The following DEFB134 variants were observed in gnomAD, a reference collection of about 807,000 sequenced individuals.
DEFB134 encodes beta-defensin 134.
A neutral mutation model predicts 7.4 loss-of-function variants in DEFB134; 7 were observed. That is an observed-to-expected ratio of 0.95 (90% CI 0.54 to 1.79). DEFB134 has a LOEUF of 1.79. Among genes scored for constraint, DEFB134 ranks in the 40% most tolerant of loss-of-function variants. DEFB134 has a pLI of 0.00. For synonymous variants in DEFB134, 33 were observed against 25.0 expected (o/e 1.32, Z -0.96); for missense variants, 105 against 74.8 (o/e 1.40, Z -1.49).
chr8:11,994,249 G>T, intron 1 of DEFB134, 127 bp from the exon 3 acceptor site: 1 of 1,189,942 alleles, frequency 8.4e-7, no homozygotes, highest in Non-Finnish European at 1.2e-6. Context: ...TCCTGTAACT[G>T]AAAAAATTAA....
upstream of DEFB134, among the ~76,000 whole-genome samples, chr8:11,999,800 G>A (rs1800224481): frequency 6.6e-6 from 1 of 152,220 alleles, no homozygotes; most frequent in Admixed American, 6.5e-5. Context: ...ATAAAGAGGG[G>A]AGATGTGCGC....
At chr8:11,994,261 T>A in intron 1 of DEFB134, 139 bp from the exon 3 acceptor site, 1 of 1,055,156 alleles carries the variant, frequency 9.5e-7, no homozygotes, top group Middle Eastern at 3.2e-4. Context: ...AAAAATTAAT[T>A]AGTGGTAGGG....
At chr8:11,999,365 C>A, upstream of DEFB134, 1 of 214,436 alleles carries the variant, frequency 4.7e-6, no homozygotes, top group Non-Finnish European at 1.0e-5. Flanking sequence ...CTGGCATTGC[C>A]CATGCAAAGA....
At chr8:11,998,776 A>C (rs1290754503), upstream of DEFB134, among the ~76,000 whole-genome samples, 1 of 152,164 alleles carries the variant, frequency 6.6e-6, no homozygotes, top group Non-Finnish European at 1.5e-5. Flanking sequence ...AGAATGAATA[A>C]GTCTGCTTAT....
intron 1 of DEFB134, among the ~76,000 whole-genome samples, chr8:11,994,360 T>G: frequency 6.6e-6 from 1 of 152,096 alleles, no homozygotes; most frequent in East Asian, 1.9e-4. Flanking sequence ...GGAAGTAATA[T>G]AAGTTAAATG....
upstream of DEFB134, among the ~76,000 whole-genome samples, chr8:11,999,885 C>G (rs1277119207): frequency 6.6e-6 from 1 of 152,194 alleles, no homozygotes; most frequent in Non-Finnish European, 1.5e-5. Flanking sequence ...CCTAAGGCCA[C>G]ATGGTGCTCT....
At chr8:11,999,846 C>T (rs987955521), upstream of DEFB134, among the ~76,000 whole-genome samples, 4 of 152,192 alleles carry the variant, frequency 2.6e-5, 1 homozygote, top group South Asian at 4.1e-4. Flanking sequence ...TACCAGCACA[C>T]CAGCTTTTTC....
chr8:11,998,167 G>A (rs1800174763), upstream of DEFB134, among the ~76,000 whole-genome samples: 1 of 152,022 alleles, frequency 6.6e-6, no homozygotes, highest in African/African-American at 2.4e-5. Context: ...TTTGAAACTG[G>A]GCCAGGTGCA....
chr8:12,000,634 A>T (rs1019019569), upstream of DEFB134, among the ~76,000 whole-genome samples: 1 of 152,218 alleles, frequency 6.6e-6, no homozygotes, highest in Non-Finnish European at 1.5e-5. Context: ...TAAAACAATT[A>T]TAACAATATG....
At chr8:11,997,163 G>A (rs1157061138), upstream of DEFB134, among the ~76,000 whole-genome samples, 1 of 152,116 alleles carries the variant, frequency 6.6e-6, no homozygotes, top group Admixed American at 6.6e-5. Flanking sequence ...CATGTGAATA[G>A]AATAATATAT....
chr8:11,995,522 A>C (rs2150559252), intron 1 of DEFB134, among the ~76,000 whole-genome samples: 1 of 152,296 alleles, frequency 6.6e-6, no homozygotes, highest in South Asian at 2.1e-4. Context: ...AGGGCCACTC[A>C]CACTCTCTGT....
chr8:11,998,911 A>T (rs532627518), upstream of DEFB134, among the ~76,000 whole-genome samples: 14 of 152,352 alleles, frequency 9.2e-5, no homozygotes, highest in African/African-American at 3.4e-4. Flanking sequence ...GAGCATCTGC[A>T]TGCACACATG....
exon 2 of DEFB134, chr8:11,993,885 T>C: frequency 1.3e-6 from 2 of 1,505,760 alleles, no homozygotes; most frequent in Non-Finnish European, 1.8e-6. Context: ...CATGGACACA[T>C]CATGGTGTCA....
At chr8:11,996,581 G>C (rs986932033), upstream of DEFB134, among the ~76,000 whole-genome samples, 2 of 152,252 alleles carry the variant, frequency 1.3e-5, no homozygotes, top group Admixed American at 6.5e-5. Flanking sequence ...AATTTGATAG[G>C]CTTTTGTTCC....
chr8:11,997,315 C>G (rs578012836), upstream of DEFB134, among the ~76,000 whole-genome samples: 1 of 152,106 alleles, frequency 6.6e-6, no homozygotes, highest in African/African-American at 2.4e-5. Context: ...TATCCAGTCA[C>G]GTATTGATTG....
upstream of DEFB134, chr8:11,996,365 G>C: frequency 1.7e-6 from 2 of 1,185,172 alleles, no homozygotes; most frequent in Non-Finnish European, 2.5e-6. Flanking sequence ...GCTGGGGTAT[G>C]CCTCGCTTCA....
At chr8:12,000,691 C>A (rs574108943), upstream of DEFB134, among the ~76,000 whole-genome samples, 6 of 152,202 alleles carry the variant, frequency 3.9e-5, no homozygotes, top group Non-Finnish European at 7.3e-5. Flanking sequence ...AACTCTGTCT[C>A]CCCCAAAATA....
chr8:11,993,836 A>G (rs1480275781), exon 2 of DEFB134: 15 of 1,104,720 alleles, frequency 1.4e-5, no homozygotes, highest in Non-Finnish European at 1.7e-5. Context: ...TAAGACCACA[A>G]GAGTCTGCTG....
upstream of DEFB134, among the ~76,000 whole-genome samples, chr8:11,997,549 G>GA (rs1317051166): frequency 6.6e-6 from 1 of 152,050 alleles, no homozygotes; most frequent in Non-Finnish European, 1.5e-5. Context: ...AAATGGAAAA[G>GA]AAAAAGAACA....
Sources: allele counts gnomAD v4.1 joint callset (sites outside exome capture counted in the v4.1 genomes callset), GRCh38; gene constraint gnomAD v4.1.1; transcripts MANE v1.5; gene names NCBI Gene and HGNC (gene_info 2026-07-23, HGNC 2026-07-21).